Variants in CTNNA2 observed in about 807,000 individuals in gnomAD.
The protein encoded by CTNNA2 is catenin alpha-2.
Under a neutral mutation model 101.0 loss-of-function variants are expected in CTNNA2, and 42 were observed. The ratio of observed to expected loss-of-function variants is 0.42; its 90% CI spans 0.32 to 0.54. The LOEUF (loss-of-function observed/expected upper bound fraction) is 0.54, where lower values mean the gene tolerates loss of function less well. Among genes scored for constraint, CTNNA2 ranks in the 20% least tolerant of loss-of-function variants. The pLI is 0.14. For synonymous variants in CTNNA2, 450 were observed against 456.4 expected, an observed-to-expected ratio of 0.99 and a Z score of 0.18; for missense variants, 871 against 1,223.1, an observed-to-expected ratio of 0.71 and a Z score of 4.29.
chr2:80,589,589 C>A, intron 15 of CTNNA2, 104 bp downstream of exon 15: 2 of 1,054,846 alleles, frequency 1.9e-6, no homozygotes, highest in Non-Finnish European at 1.4e-6. Flanking sequence ...AATATACCAA[C>A]GCAAGGTGGT....
chr2:79,202,857 G>C (rs374161754), intron 2 of CTNNA2, among the ~76,000 whole-genome samples: 2 of 152,214 alleles, frequency 1.3e-5, no homozygotes, highest in East Asian at 3.9e-4. Flanking sequence ...TCCCCAAAAG[G>C]GTCACAAATT....
intron 3 of CTNNA2, among the ~76,000 whole-genome samples, chr2:79,783,803 A>G (rs1351661584): frequency 6.6e-6 from 1 of 152,168 alleles, no homozygotes; most frequent in Non-Finnish European, 1.5e-5. Flanking sequence ...ACTGGATTGT[A>G]AAGAGGGTTT....
At chr2:80,004,670 T>C (rs1693199204) in intron 7 of CTNNA2, among the ~76,000 whole-genome samples, 1 of 117,874 alleles carries the variant, frequency 8.5e-6, no homozygotes, top group Admixed American at 9.2e-5. Flanking sequence ...TATTTTATTT[T>C]ACATTTATTT....
intron 1 of CTNNA2, among the ~76,000 whole-genome samples, chr2:79,553,869 C>T (rs566097155): frequency 6.6e-6 from 1 of 152,068 alleles, no homozygotes; most frequent in Non-Finnish European, 1.5e-5. Flanking sequence ...TTCTTGTGAG[C>T]ACATTGTAAG....
chr2:80,119,317 G>T (rs547312065), intron 7 of CTNNA2, among the ~76,000 whole-genome samples: 1 of 152,182 alleles, frequency 6.6e-6, no homozygotes, highest in Non-Finnish European at 1.5e-5. Flanking sequence ...TCATTAGCTA[G>T]ATTGGGTCAC....
intron 2 of CTNNA2, among the ~76,000 whole-genome samples, chr2:79,259,877 GA>G (rs1403657157): frequency 2.6e-5 from 4 of 152,206 alleles, no homozygotes; most frequent in Non-Finnish European, 5.9e-5. Flanking sequence ...AGATAGATAA[GA>G]GACAATGCTA....
At chr2:79,776,000 CT>C (rs1673935196) in intron 3 of CTNNA2, among the ~76,000 whole-genome samples, 1 of 152,146 alleles carries the variant, frequency 6.6e-6, no homozygotes, top group African/African-American at 2.4e-5. Flanking sequence ...CTGACAGTTA[CT>C]TATGAATTAT....
intron 3 of CTNNA2, among the ~76,000 whole-genome samples, chr2:79,783,032 A>G (rs1170929860): frequency 4.0e-5 from 6 of 151,242 alleles, no homozygotes; most frequent in Non-Finnish European, 7.4e-5. Context: ...ATTGTCAGCA[A>G]TTGTGCTTAG....
intron 4 of CTNNA2, among the ~76,000 whole-genome samples, chr2:79,500,379 C>G (rs915083106): frequency 2.0e-5 from 3 of 152,138 alleles, no homozygotes; most frequent in Admixed American, 6.6e-5. Flanking sequence ...GGGATACAAA[C>G]AGTAATTATA....
intron 4 of CTNNA2, among the ~76,000 whole-genome samples, chr2:79,386,844 T>C (rs1036906383): frequency 1.3e-5 from 2 of 152,230 alleles, no homozygotes; most frequent in Admixed American, 1.3e-4. Context: ...ATGTCCTTCT[T>C]AACAGGCAGC....
intron 7 of CTNNA2, among the ~76,000 whole-genome samples, chr2:80,258,151 A>C (rs879876827): frequency 3.3e-5 from 5 of 152,114 alleles, no homozygotes; most frequent in Admixed American, 1.3e-4. Flanking sequence ...TAAAAGGATA[A>C]ATTTTTCTTG....
chr2:80,272,237 A>C (rs544088519), intron 7 of CTNNA2, among the ~76,000 whole-genome samples: 1 of 152,320 alleles, frequency 6.6e-6, no homozygotes, highest in Admixed American at 6.5e-5. Context: ...ATTATTAGAC[A>C]CTTGTAACTG....
chr2:80,510,613 A>G lies in CTNNA2; in HGVS notation c.1291-34369A>G, dbSNP rs754472223. Among the ~76,000 whole-genome samples the G allele has an allele frequency of 3.5e-4, 53 of 152,216 alleles. 1 individual carries two copies. Among genetic ancestry groups the G allele is most frequent in the Admixed American group, 7.9e-4 (12 of 15,268 alleles). On this transcript the variant is annotated intron_variant, in intron 9 of 18. Coordinates refer to ENST00000402739, the MANE Select transcript of CTNNA2 (RefSeq NM_001282597.3). ...GGCTTTAGTTTTTGCTTTTGAATAT[A>G]TGCTGAAAAAATTGGTCATATTCTC...
At chr2:79,443,317 G>A (rs1324794133) in intron 4 of CTNNA2, among the ~76,000 whole-genome samples, 3 of 152,046 alleles carry the variant, frequency 2.0e-5, no homozygotes, top group Non-Finnish European at 2.9e-5. Flanking sequence ...CACGACCCAA[G>A]AACCAGCAGA....
intron 2 of CTNNA2, among the ~76,000 whole-genome samples, chr2:79,659,839 T>C (rs1310106433): frequency 6.6e-6 from 1 of 152,054 alleles, no homozygotes; most frequent in East Asian, 1.9e-4. Context: ...CTACTAAAAG[T>C]TTTTAAATAA....
chr2:79,313,931 C>A (rs892069959), intron 3 of CTNNA2, among the ~76,000 whole-genome samples: 6 of 152,118 alleles, frequency 3.9e-5, no homozygotes, highest in African/African-American at 1.2e-4. Flanking sequence ...GTGTGAGAAC[C>A]AAATGCAGCG....
At position 80,146,724 on chromosome 2, in the gene CTNNA2, T is replaced by G. The variant is rs1477534650; in HGVS notation, c.1056+236927T>G. Among the ~76,000 whole-genome samples, 7 of 113,566 alleles carry G rather than the reference T, an allele frequency of 6.2e-5. No homozygotes were observed. The South Asian group carries it at 1.1e-3, about 17-fold the overall frequency. 74.5% of individuals were successfully genotyped at this position (113,566 alleles called of 152,430 possible). A position where few individuals can be genotyped will look rare whatever the true frequency, so the allele number is the denominator to read the frequency against. ...AGTCCCCTCTGGTTTTTTTTTTTTT[T>G]TTTTTTTTTTTTTTTTTTGAGACAG... is the stretch of plus-strand genomic sequence containing the variant. On this transcript the variant is annotated intron_variant, in intron 7 of 18. Transcript: ENST00000402739.
intron 18 of CTNNA2, among the ~76,000 whole-genome samples, chr2:80,625,088 T>G (rs768697543): frequency 2.6e-5 from 4 of 151,982 alleles, no homozygotes; most frequent in Non-Finnish European, 5.9e-5. Context: ...TTGTTACAGA[T>G]CTGAAGAATA....
rs1455955581 is a variant in CTNNA2 at position 80,000,925 on chromosome 2, G to A, written c.1056+91128G>A. On this transcript the variant is annotated intron_variant, in intron 7 of 18. Coordinates refer to ENST00000402739, the MANE Select transcript of CTNNA2 (RefSeq NM_001282597.3). ...TGAGATTTCAGTATTTGCCCCAAAT[G>A]GCCTCATTGGGATGTGAGCAGGCTG... is the stretch of plus-strand genomic sequence containing the variant. Among the ~76,000 whole-genome samples, 3 of 152,262 alleles carry A rather than the reference G, an allele frequency of 2.0e-5. 1 individual carries two copies. The highest frequency in any genetic ancestry group is 7.2e-5 in the African/African-American group (3 of 41,556).
Sources: gnomAD v4.1 joint callset for allele counts (sites outside exome capture counted in the v4.1 genomes callset) on GRCh38, gnomAD v4.1.1 for gene constraint, MANE v1.5 for transcripts, NCBI Gene and HGNC (gene_info 2026-07-23, HGNC 2026-07-21) for gene names.